The following FOXP1 variants were observed in gnomAD, a reference collection of about 807,000 sequenced individuals.
The protein encoded by FOXP1 is forkhead box P1.
FOXP1 carries 15 observed loss-of-function variants against 98.2 expected under a neutral mutation model. The ratio of observed to expected loss-of-function variants is 0.15; its 90% confidence interval spans 0.10 to 0.24. The LOEUF (loss-of-function observed/expected upper bound fraction) is 0.24, where lower values mean the gene tolerates loss of function less well. Among genes scored for constraint, FOXP1 ranks in the 10% least tolerant of loss-of-function variants. The probability of loss-of-function intolerance (pLI) is 1.00; values close to 1 mark genes in which losing one functional copy is unlikely to be tolerated. For synonymous variants in FOXP1, 371 were observed against 314.5 expected, an observed-to-expected ratio of 1.18 and a Z score of -1.90; for missense variants, 633 against 848.5, an observed-to-expected ratio of 0.75 and a Z score of 3.15.
chr3:71,009,916 A>ATTTTTT (rs200610453), intron 12 of FOXP1, among the ~76,000 whole-genome samples: 90 of 133,028 alleles, frequency 6.8e-4, no homozygotes, highest in African/African-American at 2.4e-3. Context: ...ACCCAGCTGA[A>ATTTTTT]TTTTTTTTTT....
intron 5 of FOXP1, among the ~76,000 whole-genome samples, chr3:71,235,051 T>C (rs1178140937): frequency 1.3e-5 from 2 of 152,178 alleles, no homozygotes; most frequent in Non-Finnish European, 2.9e-5. Context: ...CCCACTTGAA[T>C]GTCTGCTTTT....
intron 1 of FOXP1, chr3:71,583,363 G>T (rs1186650088): frequency 1.3e-6 from 1 of 784,248 alleles, no homozygotes; most frequent in Non-Finnish European, 1.5e-6. Flanking sequence ...CGACCCGGGG[G>T]GGAGAGGAAG....
At chr3:71,533,236 C>T (rs2044004328) in intron 2 of FOXP1, among the ~76,000 whole-genome samples, 1 of 152,166 alleles carries the variant, frequency 6.6e-6, no homozygotes, top group South Asian at 2.1e-4. Flanking sequence ...GTTGGAAGTG[C>T]ACAGGCCCAC....
At chr3:71,184,141 A>G (rs183255589) in intron 6 of FOXP1, among the ~76,000 whole-genome samples, 1 of 152,268 alleles carries the variant, frequency 6.6e-6, no homozygotes, top group Non-Finnish European at 1.5e-5. Flanking sequence ...AACAAGAGCA[A>G]GACTGTCTCA....
chr3:70,956,464 A>T lies in FOXP1; in HGVS notation c.*2783T>A. The T allele has an allele frequency of 4.4e-6, 1 of 227,694 alleles. No homozygotes were observed. The allele number at this position is 227,694 out of a possible 1,614,324, so 14.1% of individuals were successfully genotyped here. The stretch of plus-strand genomic sequence containing the variant: ...TCTTTAGACTAAGCATGCAAGACAT[A>T]CGACTAAGTGCAACTGAGTGAAATG... On this transcript the variant is annotated 3_prime_UTR_variant, in exon 21 of 21. Coordinates refer to ENST00000649528, the MANE Select transcript of FOXP1 (RefSeq NM_001349338.3).
At chr3:71,194,946 C>G (rs1328252751) in intron 6 of FOXP1, among the ~76,000 whole-genome samples, 1 of 152,126 alleles carries the variant, frequency 6.6e-6, no homozygotes, top group African/African-American at 2.4e-5. Flanking sequence ...CTGATGGCTT[C>G]TGAGTGATGA....
intron 3 of FOXP1, among the ~76,000 whole-genome samples, chr3:71,450,251 T>C (rs768651982): frequency 3.3e-5 from 5 of 152,228 alleles, no homozygotes; most frequent in African/African-American, 4.8e-5. Flanking sequence ...ACTAAAAAAC[T>C]ACAGGTGTTT....
At chr3:71,250,534 G>A (rs1050267290) in intron 5 of FOXP1, among the ~76,000 whole-genome samples, 4 of 152,122 alleles carry the variant, frequency 2.6e-5, no homozygotes, top group African/African-American at 9.7e-5. Context: ...CATGACAATC[G>A]GATCTTAAGC....
intron 2 of FOXP1, among the ~76,000 whole-genome samples, chr3:71,544,769 T>A (rs1296366370): frequency 6.6e-6 from 1 of 152,156 alleles, no homozygotes; most frequent in African/African-American, 2.4e-5. Context: ...ACAACTGTTG[T>A]AAGTTACCAT....
At chr3:71,500,587 A>G (rs1301535775) in intron 2 of FOXP1, among the ~76,000 whole-genome samples, 4 of 152,106 alleles carry the variant, frequency 2.6e-5, no homozygotes, top group Non-Finnish European at 5.9e-5. Context: ...ATCTTCCACT[A>G]CCATCATCTG....
At chr3:71,483,347 T>C (rs896985189) in intron 3 of FOXP1, among the ~76,000 whole-genome samples, 2 of 152,178 alleles carry the variant, frequency 1.3e-5, no homozygotes, top group Non-Finnish European at 2.9e-5. Context: ...ATGACATTAT[T>C]ATTTCATCAG....
intron 2 of FOXP1, among the ~76,000 whole-genome samples, chr3:71,575,446 C>G (rs1437632902): frequency 6.6e-6 from 1 of 152,110 alleles, no homozygotes; most frequent in African/African-American, 2.4e-5. Flanking sequence ...ATAACCTACA[C>G]ACACACACAT....
chr3:70,979,581 A>G (rs1430540216), intron 14 of FOXP1, among the ~76,000 whole-genome samples: 4 of 150,772 alleles, frequency 2.7e-5, no homozygotes, highest in Non-Finnish European at 5.9e-5. Context: ...TATTTTCTCA[A>G]ACCAGATTTC....
Position 71,518,918 on chromosome 3 carries a change from G to A in FOXP1, c.-297-25363C>T, listed in dbSNP as rs115307749. Among the ~76,000 whole-genome samples, 798 of 152,312 alleles carry A rather than the reference G, an allele frequency of 5.2e-3. 6 individuals carry two copies. Among genetic ancestry groups the A allele is most frequent in the African/African-American group, 0.018 (748 of 41,560 alleles). On this transcript the variant is annotated intron_variant, in intron 2 of 20. Coordinates refer to ENST00000649528, the MANE Select transcript of FOXP1 (RefSeq NM_001349338.3). ...AGGAGAAAGAACTGGCAAGGCTCCC[G>A]AATAGATGAAAGTGGTTACATAGCA...
At chr3:71,204,093 A>G (rs568237947) in intron 5 of FOXP1, among the ~76,000 whole-genome samples, 1 of 152,316 alleles carries the variant, frequency 6.6e-6, no homozygotes, top group African/African-American at 2.4e-5. Context: ...GTAGACTGAG[A>G]AAGAATAAGG....
intron 7 of FOXP1, among the ~76,000 whole-genome samples, chr3:71,090,417 G>T (rs1285421827): frequency 6.6e-6 from 1 of 152,116 alleles, no homozygotes; most frequent in East Asian, 1.9e-4. Context: ...GGTGTGAGGA[G>T]AACCACCCTT....
chr3:71,036,818 A>G (rs1168928733), intron 11 of FOXP1, among the ~76,000 whole-genome samples: 4 of 152,190 alleles, frequency 2.6e-5, no homozygotes, highest in African/African-American at 4.8e-5. Context: ...AAACTCTGGT[A>G]TTTTCTTTTA....
intron 3 of FOXP1, among the ~76,000 whole-genome samples, chr3:71,420,617 C>T (rs1294456555): frequency 6.6e-6 from 1 of 152,120 alleles, no homozygotes; most frequent in African/African-American, 2.4e-5. Context: ...ACAACCAGAC[C>T]CTGCCCAAGT....
chr3:71,001,117 A>C, intron 12 of FOXP1, 58 bp from the exon 13 acceptor site: 2 of 1,344,442 alleles, frequency 1.5e-6, no homozygotes, highest in South Asian at 2.3e-5. Context: ...GGAAAATATA[A>C]GTTACCAGGA....
Sources: gnomAD v4.1 joint callset for allele counts (sites outside exome capture counted in the v4.1 genomes callset) on GRCh38, gnomAD v4.1.1 for gene constraint, MANE v1.5 for transcripts, NCBI Gene and HGNC (gene_info 2026-07-23, HGNC 2026-07-21) for gene names.